Variants in LRP12 observed in about 807,000 individuals in gnomAD.
The protein encoded by LRP12 is LDL receptor related protein 12.
A neutral mutation model predicts 66.0 loss-of-function variants in LRP12; 14 were observed. That is an observed-to-expected ratio of 0.21 (90% CI 0.14 to 0.33). The LOEUF is 0.33. Ranked by LOEUF, LRP12 falls within the 10% of genes least tolerant of loss-of-function variation. The pLI, the probability that LRP12 is intolerant of heterozygous loss-of-function variation, is 1.00. For synonymous variants in LRP12, 357 were observed against 359.1 expected (o/e 0.99, Z 0.07); for missense variants, 889 against 1,053.4 (o/e 0.84, Z 2.16).
In LRP12 at chr8:104,588,882, T is replaced by C. The variant is rs1812380924; in HGVS notation, c.16A>G (p.Ser6Gly). The change falls in exon 1 of 7, where the codon AGC (serine) becomes GGC (glycine). Residue 6 changes from serine (S) to glycine (G), a missense_variant. Transcript: ENST00000276654. MACRWSTKESPRWRSA... is the reference protein window; with the variant it reads MACRWGTKESPRWRSA... ...CTCCACCGCGGAGACTCTTTTGTGC[T>C]CCAGCGACAGGCCATAACCACAGCA... is the stretch of plus-strand genomic sequence containing the variant. The C allele has an allele frequency of 1.9e-6, 3 of 1,609,924 alleles. No homozygotes were observed. The African/African-American group carries it at 4.0e-5, about 22-fold the overall frequency.
chr8:104,572,772 T>C (rs930264214), intron 1 of LRP12, among the ~76,000 whole-genome samples: 21 of 152,136 alleles, frequency 1.4e-4, no homozygotes, highest in African/African-American at 5.1e-4. Context: ...GATGAAGGAA[T>C]TGAAAATTAG....
chr8:104,535,913 C>T (rs1382857503), intron 1 of LRP12, among the ~76,000 whole-genome samples: 3 of 152,046 alleles, frequency 2.0e-5, no homozygotes, highest in Non-Finnish European at 4.4e-5. Flanking sequence ...CTACCTGCCA[C>T]AGCATTCCAA....
rs550242433 is a variant in LRP12, at chr8:104,490,263, T to C, written c.*410A>G. Reference sequence around the variant, plus strand: ...ATTAACAACCTTAACATCTAGTATATTAAGTTACAAGATGTGTTGGCAAAA... The same window carrying C: ...ATTAACAACCTTAACATCTAGTATACTAAGTTACAAGATGTGTTGGCAAAA... On this transcript the variant is annotated 3_prime_UTR_variant, in exon 7 of 7. Coordinates refer to ENST00000276654, the MANE Select transcript of LRP12 (RefSeq NM_013437.5). The C allele has an allele frequency of 6.3e-6, 1 of 157,868 alleles. No homozygotes were observed. The highest frequency in any genetic ancestry group is 2.4e-5 in the African/African-American group (1 of 41,552). 9.8% of individuals were successfully genotyped at this position (157,868 alleles called of 1,614,324 possible). A position where few individuals can be genotyped will look rare whatever the true frequency, so the allele number is the denominator to read the frequency against.
Position 104,511,341 on chromosome 8 carries a change from A to AT in LRP12, c.137-2268dup, listed in dbSNP as rs57946758. ...ACAGGCGTGAGCCACCGCGCCCAGC[A>AT]TTTTTTTTTTTTTAAGAGATGAGAT... On this transcript the variant is annotated intron_variant, in intron 2 of 6. Transcript: ENST00000276654. Among the ~76,000 whole-genome samples, 675 of 143,214 alleles carry AT rather than the reference A, an allele frequency of 4.7e-3. 5 individuals carry two copies. Among genetic ancestry groups the AT allele is most frequent in the African/African-American group, 0.011 (433 of 39,276 alleles). The allele number at this position is 143,214 out of a possible 152,430, so 94.0% of individuals were successfully genotyped here.
intron 2 of LRP12, among the ~76,000 whole-genome samples, chr8:104,527,395 C>A (rs1364582008): frequency 6.6e-6 from 1 of 150,964 alleles, no homozygotes; most frequent in Non-Finnish European, 1.5e-5. Flanking sequence ...ATGTTTACTG[C>A]GGCACTATTC....
rs190609614 is a variant in LRP12, at chr8:104,521,518, G to A, written c.136+10389C>T. 3.6e-4 allele frequency among the ~76,000 whole-genome samples: 55 copies of A among 151,348 alleles called. No individual in the cohort carries two copies. In the South Asian group the frequency reaches 5.0e-3, roughly 14 times the overall value. On this transcript the variant is annotated intron_variant, in intron 2 of 6. Transcript: ENST00000276654. ...TAGTTTCATTTCCAAAACTTAAAGG[G>A]AGTTCGCTACTTTAAAACTTTAAGT...
intron 1 of LRP12, among the ~76,000 whole-genome samples, chr8:104,585,795 G>A (rs1320945254): frequency 6.6e-6 from 1 of 152,190 alleles, no homozygotes; most frequent in Non-Finnish European, 1.5e-5. Context: ...ACTAATCTGG[G>A]AGACAAACAG....
intron 1 of LRP12, among the ~76,000 whole-genome samples, chr8:104,549,560 A>C (rs1811695803): frequency 6.6e-6 from 1 of 151,746 alleles, no homozygotes; most frequent in African/African-American, 2.4e-5. Flanking sequence ...CTGCCACCGC[A>C]CCTGGCTAAT....
chr8:104,500,010 A>G (rs1385089132), intron 3 of LRP12, among the ~76,000 whole-genome samples: 1 of 152,222 alleles, frequency 6.6e-6, no homozygotes, highest in Non-Finnish European at 1.5e-5. Flanking sequence ...AAGGTAAAAG[A>G]CTGAAAAAGG....
At chr8:104,537,686 T>C (rs1811409811) in intron 1 of LRP12, among the ~76,000 whole-genome samples, 1 of 152,182 alleles carries the variant, frequency 6.6e-6, no homozygotes, top group Non-Finnish European at 1.5e-5. Flanking sequence ...ACAACCACTT[T>C]GGAAAACAGT....
chr8:104,500,430 G>T (rs1442777540), intron 3 of LRP12, among the ~76,000 whole-genome samples: 1 of 152,150 alleles, frequency 6.6e-6, no homozygotes. Flanking sequence ...ACTCCTGGCC[G>T]GGCATGGTGG....
intron 2 of LRP12, among the ~76,000 whole-genome samples, chr8:104,518,400 G>C (rs2140850848): frequency 6.6e-6 from 1 of 152,136 alleles, no homozygotes; most frequent in African/African-American, 2.4e-5. Flanking sequence ...ACCCAGACAA[G>C]AGGCTTCATA....
intron 1 of LRP12, among the ~76,000 whole-genome samples, chr8:104,543,915 C>T (rs1264131449): frequency 6.6e-6 from 1 of 152,064 alleles, no homozygotes; most frequent in Non-Finnish European, 1.5e-5. Flanking sequence ...AAGTGACACT[C>T]CATCTCAAAA....
At chr8:104,515,364 G>A (rs1413138998) in intron 2 of LRP12, among the ~76,000 whole-genome samples, 2 of 152,132 alleles carry the variant, frequency 1.3e-5, no homozygotes, top group African/African-American at 2.4e-5. Flanking sequence ...GCAAAATTAT[G>A]TAAGATCTTA....
intron 1 of LRP12, among the ~76,000 whole-genome samples, chr8:104,547,542 A>G (rs1045577131): frequency 5.4e-5 from 7 of 128,734 alleles, no homozygotes; most frequent in African/African-American, 2.0e-4. Context: ...TTTGTATATA[A>G]TATATAATTA....
intron 1 of LRP12, among the ~76,000 whole-genome samples, chr8:104,585,518 G>A (rs1588514142): frequency 6.6e-6 from 1 of 152,256 alleles, no homozygotes; most frequent in African/African-American, 2.4e-5. Context: ...GAGTCACCAC[G>A]CCTGGCCTCT....
intron 1 of LRP12, among the ~76,000 whole-genome samples, chr8:104,559,337 T>C (rs1158043388): frequency 1.3e-5 from 2 of 152,160 alleles, no homozygotes; most frequent in African/African-American, 4.8e-5. Context: ...CATTATTCTA[T>C]GTGAAGTAAC....
At chr8:104,546,828 C>T (rs545623216) in intron 1 of LRP12, among the ~76,000 whole-genome samples, 3 of 149,792 alleles carry the variant, frequency 2.0e-5, no homozygotes, top group African/African-American at 7.3e-5. Flanking sequence ...CCCTGTCATT[C>T]GGAGACTGAT....
At chr8:104,547,541 A>AT (rs1811599626) in intron 1 of LRP12, among the ~76,000 whole-genome samples, 1 of 125,620 alleles carries the variant, frequency 8.0e-6, no homozygotes, top group Admixed American at 9.0e-5. Context: ...TTTTGTATAT[A>AT]ATATATAATT....
Sources: allele counts gnomAD v4.1 joint callset (sites outside exome capture counted in the v4.1 genomes callset), GRCh38; gene constraint gnomAD v4.1.1; transcripts MANE v1.5; gene names NCBI Gene and HGNC (gene_info 2026-07-23, HGNC 2026-07-21).